The following SEPTIN4 variants were observed in gnomAD, a reference collection of about 807,000 sequenced individuals.
SEPTIN4 encodes septin-4.
SEPTIN4 carries 52 observed loss-of-function variants against 107.1 expected under a neutral mutation model. That is an observed-to-expected ratio of 0.49 (90% CI 0.39 to 0.61). SEPTIN4 has a LOEUF of 0.61. Ranked by LOEUF, SEPTIN4 falls within the 20% of genes least tolerant of loss-of-function variation. The pLI, the probability that SEPTIN4 is intolerant of heterozygous loss-of-function variation, is 0.00. For synonymous variants in SEPTIN4, 417 were observed against 467.0 expected, an observed-to-expected ratio of 0.89 and a Z score of 1.38; for missense variants, 1,048 against 1,243.5, an observed-to-expected ratio of 0.84 and a Z score of 2.36.
rs1185370292 is a variant in SEPTIN4, at chr17:58,543,696, T to C, written c.491A>G (p.Gln164Arg). The C allele has an allele frequency of 3.7e-6, 6 of 1,614,124 alleles. No homozygotes were observed. The highest frequency in any genetic ancestry group is 4.2e-6 in the Non-Finnish European group (5 of 1,180,056). The change falls in exon 1 of 14, where the codon CAG becomes CGG. Residue 164 changes from glutamine (Q) to arginine (R), a missense_variant. Transcript: ENST00000672673. ...GATTTGTGATTGTAAGTTATTCTTC[T>C]GGTCTTGAAAACTCAACTGATGAGT... ...KSTHQLSFQD[Q>R]KNNLQSQILE...
chr17:58,543,298 G>C lies in SEPTIN4; in HGVS notation c.889C>G (p.His297Asp). ...VSARVDPESLHKYSAYPETKP... is the reference protein window; with the variant it reads ...VSARVDPESLDKYSAYPETKP... Reference sequence around the variant, plus strand: ...GTTTCAGGATAGGCAGAATACTTATGAAGAGACTCAGGGTCTACCCGTGCA... The same window carrying C: ...GTTTCAGGATAGGCAGAATACTTATCAAGAGACTCAGGGTCTACCCGTGCA... The change falls in exon 1 of 14, where the codon CAT (histidine) becomes GAT (aspartate). Residue 297 changes from histidine (H) to aspartate (D), a missense_variant. His to Asp is a moderately conservative substitution (Grantham distance 81). Around this residue, in one of 2 missense-constraint regions of SEPTIN4, gnomAD observed 787 missense variants for 871.8 expected, o/e 0.90. Transcript: ENST00000672673. The C allele has an allele frequency of 6.2e-7, 1 of 1,614,190 alleles. No individual in the cohort carries two copies. Among genetic ancestry groups the C allele is most frequent in the South Asian group, 1.1e-5 (1 of 91,082 alleles).
intron 4 of SEPTIN4, 162 bp from the exon 5 acceptor site, chr17:58,526,475 C>T (rs890220154): frequency 7.2e-7 from 1 of 1,393,256 alleles, no homozygotes; most frequent in African/African-American, 1.5e-5. Flanking sequence ...GCCTCCTGCC[C>T]TTGCTGAAAC....
chr17:58,543,331 G>A lies in SEPTIN4; in HGVS notation c.856C>T (p.Arg286Ter), dbSNP rs199652012. 17 of 1,614,142 alleles carry A rather than the reference G, an allele frequency of 1.1e-5. No individual in the cohort carries two copies. The highest frequency in any genetic ancestry group is 1.4e-5 in the Non-Finnish European group (17 of 1,180,024). The change falls in exon 1 of 14, where the codon CGA (arginine) becomes TGA (stop). Residue 286 changes from arginine (R) to a stop codon, truncating the protein, a stop_gained. Coordinates refer to ENST00000672673, the MANE Select transcript of SEPTIN4 (RefSeq NM_001368771.2). LOFTEE classifies it high-confidence loss of function. ...TCAGGGTCTACCCGTGCAGAAACTC[G>A]GTGTACACCATCAGAATCTTTAAGG... is the stretch of plus-strand genomic sequence containing the variant. Reference protein sequence around the residue: ...SVLKDSDGVHRVSARVDPESL... With the variant: ...SVLKDSDGVH
chr17:58,529,433 A>C, intron 3 of SEPTIN4: 1 of 1,381,942 alleles, frequency 7.2e-7, no homozygotes, highest in Non-Finnish European at 9.4e-7. Flanking sequence ...CAGCAGGATC[A>C]CTTGGTTCCT....
At chr17:58,533,410 G>T (rs1394067301) in intron 3 of SEPTIN4, among the ~76,000 whole-genome samples, 2 of 152,166 alleles carry the variant, frequency 1.3e-5, no homozygotes, top group East Asian at 3.8e-4. Context: ...CTTCCTTACA[G>T]CTCTGGCCTT....
At position 58,521,751 on chromosome 17, in the gene SEPTIN4, G is replaced by A; in HGVS notation, c.2454C>T (p.Asp818=). 2 of 1,614,234 alleles carry A rather than the reference G, an allele frequency of 1.2e-6. No homozygotes were observed. The highest frequency in any genetic ancestry group is 1.7e-6 in the Non-Finnish European group (2 of 1,180,050). ...CTTCCCTCACTTTGCGTTTCTTGTGGTCCACTTCGGGAGGTGTCAGTGTGT... is the reference window on the plus strand; with the variant it reads ...CTTCCCTCACTTTGCGTTTCTTGTGATCCACTTCGGGAGGTGTCAGTGTGT... ...KADTLTPPEV[D]HKKRKIREEI... is the part of the protein sequence containing the mutation. The change falls in exon 9 of 14, where the codon GAC becomes GAT. Residue 818 remains aspartate, a synonymous_variant. Coordinates refer to ENST00000672673, the MANE Select transcript of SEPTIN4 (RefSeq NM_001368771.2). This position sits in a 1 kb window ranked among gnomAD's most constrained non-coding sequence, Gnocchi z 6.4.
intron 3 of SEPTIN4, chr17:58,539,330 G>A: frequency 1.7e-6 from 1 of 574,916 alleles, no homozygotes. Flanking sequence ...GGGGAGAACA[G>A]GGAGGAGCCT....
Position 58,544,261 on chromosome 17 carries a change from G to A in SEPTIN4, c.-75C>T. 6.7e-7 allele frequency: 1 copy of A among 1,502,892 alleles called. No individual in the cohort carries two copies. The highest frequency in any genetic ancestry group is 2.1e-5 in the Admixed American group (1 of 47,394). The allele number at this position is 1,502,892 out of a possible 1,614,324, so 93.1% of individuals were successfully genotyped here. A position where few individuals can be genotyped will look rare whatever the true frequency, so the allele number is the denominator to read the frequency against. ...TGTATTCAGGATCCTAATGATGCCT[G>A]AATATTTACCCTGTTTTAAAGCTGC... On this transcript the variant is annotated 5_prime_UTR_variant, in exon 1 of 14. Transcript: ENST00000672673.
intron 4 of SEPTIN4, 180 bp downstream of exon 4, chr17:58,526,502 C>T: frequency 7.2e-7 from 1 of 1,394,044 alleles, no homozygotes; most frequent in Non-Finnish European, 9.3e-7. Flanking sequence ...TTTCCAGTGC[C>T]CTTGGGGGCA....
Position 58,526,889 on chromosome 17 carries a change from T to C in SEPTIN4, c.1704A>G (p.Pro568=), listed in dbSNP as rs777165633. 1 of 1,614,056 alleles carries C rather than the reference T, an allele frequency of 6.2e-7. No individual in the cohort carries two copies. The highest frequency in any genetic ancestry group is 8.5e-7 in the Non-Finnish European group (1 of 1,180,010). The change falls in exon 4 of 14, where the codon CCA becomes CCG. Residue 568 remains proline (P), a synonymous_variant. Transcript: ENST00000672673. ...DFSGNASCHP[P]EAKTWASRPQ... ...GCCTGGATGCCCAGGTCTTAGCCTCTGGTGGGTGGCAGCTCGCATTTCCTG... is the reference window on the plus strand; with the variant it reads ...GCCTGGATGCCCAGGTCTTAGCCTCCGGTGGGTGGCAGCTCGCATTTCCTG...
intron 3 of SEPTIN4, chr17:58,528,035 G>T (rs2043120020): frequency 1.0e-6 from 1 of 985,308 alleles, no homozygotes; most frequent in Admixed American, 6.1e-5. Context: ...TCCTTCGTGG[G>T]GTGCCTGGCA....
rs370004006 is a variant in SEPTIN4, at chr17:58,542,837, C to G, written c.1350G>C (p.Lys450Asn). Residue 450 changes from lysine to asparagine, a missense_variant, in exon 1 of 14, where the codon AAG (lysine) becomes AAC (asparagine). By Grantham distance (94) the Lys-to-Asn change is moderately conservative (BLOSUM62 0). Around this residue, in one of 2 missense-constraint regions of SEPTIN4, gnomAD observed 787 missense variants for 871.8 expected, o/e 0.90. Transcript: ENST00000672673. ...ATAAAAGATCTAGGGAAGGAGAGCA[C>G]TTAGGCTCAAAATCCGGTGTTGTCA... The part of the protein sequence containing the change: ...SQLTTPDFEP[K>N]CSPSLDLLLS... 2 of 1,614,156 alleles carry G rather than the reference C, an allele frequency of 1.2e-6. No individual in the cohort carries two copies. The highest frequency in any genetic ancestry group is 1.7e-6 in the Non-Finnish European group (2 of 1,180,032).
chr17:58,535,867 C>T (rs1053662665), intron 3 of SEPTIN4, among the ~76,000 whole-genome samples: 1 of 152,318 alleles, frequency 6.6e-6, no homozygotes, highest in East Asian at 1.9e-4. Context: ...TAAAAGGACT[C>T]ATTGATTAGT....
In SEPTIN4 at chr17:58,540,655, G is replaced by A; in HGVS notation, c.1614+11C>T. 7.3e-7 allele frequency: 1 copy of A among 1,362,092 alleles called. No homozygotes were observed. The highest frequency in any genetic ancestry group is 1.8e-5 in the South Asian group (1 of 54,054). 84.4% of individuals were successfully genotyped at this position (1,362,092 alleles called of 1,614,324 possible). ...GGAAGACTGGGAGTAACCTCCCAGG[G>A]GCATTCTTACCTCCTCATCTGTCAT... On this transcript the variant is annotated intron_variant, in intron 3 of 13. Transcript: ENST00000672673.
chr17:58,522,208 CTG>C, intron 7 of SEPTIN4, 107 bp from the exon 8 acceptor site: 3 of 1,392,782 alleles, frequency 2.2e-6, no homozygotes, highest in Non-Finnish European at 3.0e-6. Context: ...TTTTAAGACA[CTG>C]TTATTCCCTG....
Position 58,526,212 on chromosome 17 carries a change from T to C in SEPTIN4, c.2005+8A>G. ...ACCCTGCCCAACCCAGCCCTGCCCC[T>C]TTTTTACCTGCCACCATGAGGGTAA... On this transcript the variant is annotated splice_region_variant and intron_variant, in intron 5 of 13. Coordinates refer to ENST00000672673, the MANE Select transcript of SEPTIN4 (RefSeq NM_001368771.2). 6.4e-7 allele frequency: 1 copy of C among 1,570,584 alleles called. No individual in the cohort carries two copies. The highest frequency in any genetic ancestry group is 1.8e-5 in the Admixed American group (1 of 54,154).
At chr17:58,527,471 G>A (rs533278996) in intron 3 of SEPTIN4, 3 of 277,716 alleles carry the variant, frequency 1.1e-5, no homozygotes, top group African/African-American at 4.4e-5. Context: ...AAAGCTGACT[G>A]CATCAGGCAG....
intron 5 of SEPTIN4, 37 bp from the exon 6 acceptor site, chr17:58,525,818 G>T: frequency 6.4e-7 from 1 of 1,571,268 alleles, no homozygotes; most frequent in Non-Finnish European, 8.8e-7. Flanking sequence ...AAATCAGAAG[G>T]TAAGATCTAT....
intron 7 of SEPTIN4, 105 bp from the exon 8 acceptor site, chr17:58,522,206 C>G: frequency 7.0e-7 from 1 of 1,420,924 alleles, no homozygotes; most frequent in Non-Finnish European, 9.7e-7. Context: ...GTTTTTAAGA[C>G]ACTGTTATTC....
Sources: allele counts gnomAD v4.1 joint callset (sites outside exome capture counted in the v4.1 genomes callset), GRCh38; gene constraint gnomAD v4.1.1; regional missense constraint gnomAD v4.1.1; non-coding constraint Gnocchi (gnomAD v3.1); transcripts MANE v1.5; gene names NCBI Gene and HGNC (gene_info 2026-07-23, HGNC 2026-07-21).